The following TSBP1 variants were observed in gnomAD, a reference collection of about 807,000 sequenced individuals.
TSBP1 encodes testis-expressed basic protein 1.
A neutral mutation model predicts 68.8 loss-of-function variants in TSBP1; 56 were observed. The ratio of observed to expected loss-of-function variants is 0.81; its 90% CI spans 0.66 to 1.02. TSBP1 has a LOEUF of 1.02. TSBP1 is among the 50% of genes least tolerant of loss of function. The pLI, the probability that TSBP1 is intolerant of heterozygous loss-of-function variation, is 0.00. For synonymous variants in TSBP1, 171 were observed against 208.7 expected (o/e 0.82, Z 1.56); for missense variants, 502 against 641.2 (o/e 0.78, Z 2.34).
chr6:32,346,006 T>TAA (rs1242499192), intron 9 of TSBP1, among the ~76,000 whole-genome samples: 1,533 of 46,936 alleles, frequency 0.033, 319 homozygotes, highest in Middle Eastern at 0.11. Context: ...TATCCTCATT[T>TAA]TTTTTTTTTT....
At chr6:32,301,026 G>A (rs990361960) in intron 20 of TSBP1, among the ~76,000 whole-genome samples, 3 of 146,194 alleles carry the variant, frequency 2.1e-5, no homozygotes, top group Non-Finnish European at 4.5e-5. Flanking sequence ...ACATTGATAC[G>A]AATTTTTTTT....
At chr6:32,328,133 G>A (rs372985895) in intron 16 of TSBP1, among the ~76,000 whole-genome samples, 7 of 151,914 alleles carry the variant, frequency 4.6e-5, no homozygotes, top group African/African-American at 1.2e-4. Context: ...ATAGAGGCGC[G>A]GTTTCATCAT....
At chr6:32,303,179 C>T (rs1033044683) in intron 19 of TSBP1, among the ~76,000 whole-genome samples, 2 of 152,276 alleles carry the variant, frequency 1.3e-5, no homozygotes. Flanking sequence ...AATATTCCCC[C>T]CTCAGATATT....
In TSBP1 at chr6:32,357,887, A is replaced by G. The variant is rs925497203; in HGVS notation, c.218-2218T>C. ...TTCAGGACACGTGTGCTATGATTAT[A>G]TAGGTTGGCTCACTGCACAAAGGGT... On this transcript the variant is annotated intron_variant, in intron 6 of 22. Transcript: ENST00000612031. The surrounding 1 kb of genome is among the most constrained non-coding windows in gnomAD (Gnocchi z 4.7). Among the ~76,000 whole-genome samples the G allele has an allele frequency of 6.6e-6, 1 of 152,174 alleles. No individual in the cohort carries two copies. Among genetic ancestry groups the G allele is most frequent in the African/African-American group, 2.4e-5 (1 of 41,438 alleles).
At position 32,366,456 on chromosome 6, in the gene TSBP1, C is replaced by G. The variant is rs1479432743; in HGVS notation, c.167-154G>C. On this transcript the variant is annotated intron_variant, in intron 4 of 22. Transcript: ENST00000612031. ...GAAAAAAACATATTAACTTTACCAA[C>G]AGTTCATGAAAAAATAAGTTTATCG... is the stretch of plus-strand genomic sequence containing the variant. 7 of 817,112 alleles carry G rather than the reference C, an allele frequency of 8.6e-6. No homozygotes were observed. The Admixed American group carries it at 1.4e-4, about 17-fold the overall frequency. 50.6% of individuals were successfully genotyped at this position (817,112 alleles called of 1,614,324 possible).
At chr6:32,349,750 T>C (rs760026512) in exon 9 of TSBP1, 3 of 1,598,148 alleles carry the variant, frequency 1.9e-6, no homozygotes, top group Admixed American at 3.3e-5. Context: ...CAATACTTGA[T>C]CGAGACAGTG....
At chr6:32,311,785 A>G (rs1234035385) in intron 19 of TSBP1, among the ~76,000 whole-genome samples, 2 of 152,198 alleles carry the variant, frequency 1.3e-5, no homozygotes, top group Admixed American at 1.3e-4. Flanking sequence ...GATTGGGGGT[A>G]TCTGTGAGAA....
rs1226806836 is a variant in TSBP1 at position 32,295,366 on chromosome 6, A to C, written c.638-1331T>G. Among the ~76,000 whole-genome samples the C allele has an allele frequency of 4.8e-5, 7 of 145,472 alleles. No individual in the cohort carries two copies. In the East Asian group the frequency reaches 8.1e-4, roughly 17 times the overall value. On this transcript the variant is annotated intron_variant, in intron 22 of 22. Transcript: ENST00000612031. ...CACACACACAAAAAAAAAAAAAAAA[A>C]AAAAGAAGACCTAGGTTTATTATTC...
chr6:32,321,515 G>A lies in TSBP1; in HGVS notation c.559+1602C>T, dbSNP rs9268233. Among the ~76,000 whole-genome samples, 2,965 of 152,210 alleles carry A rather than the reference G, an allele frequency of 0.019. 46 individuals carry two copies. The highest frequency in any genetic ancestry group is 0.036 in the African/African-American group (1,483 of 41,510). ...AATTATAGGGCCTATTCCCAAACAT[G>A]GGCATATGGATTTTGCAGCCTCATC... On this transcript the variant is annotated intron_variant, in intron 18 of 22. Transcript: ENST00000612031. The surrounding 1 kb of genome is among the most constrained non-coding windows in gnomAD (Gnocchi z 4.3).
intron 6 of TSBP1, 156 bp downstream of exon 6, chr6:32,366,011 A>G (rs1380290292): frequency 8.6e-7 from 1 of 1,163,120 alleles, no homozygotes; most frequent in Non-Finnish European, 1.3e-6. Context: ...TCATAGCGTG[A>G]TGGTGAACAT....
At chr6:32,312,720 C>A (rs1482489938) in intron 19 of TSBP1, among the ~76,000 whole-genome samples, 2 of 152,048 alleles carry the variant, frequency 1.3e-5, no homozygotes, top group Non-Finnish European at 1.5e-5. Context: ...TAGGAGTAAC[C>A]CTTGGTGTCT....
rs890630698 is a variant in TSBP1, at chr6:32,315,652, T to C, written c.580+120A>G. On this transcript the variant is annotated intron_variant, in intron 19 of 22. Transcript: ENST00000612031. The surrounding 1 kb of genome is among the most constrained non-coding windows in gnomAD (Gnocchi z 5.4). ...TCTTGCAGTCCTAATCTGGAGGACT[T>C]TGGGTAATGTAGAAGCAAATGAATA... 6.5e-6 allele frequency: 4 copies of C among 617,220 alleles called. No homozygotes were observed. Among genetic ancestry groups the C allele is most frequent in the Non-Finnish European group, 5.4e-6 (2 of 369,314 alleles). The allele number at this position is 617,220 out of a possible 1,614,324, so 38.2% of individuals were successfully genotyped here.
intron 2 of TSBP1, among the ~76,000 whole-genome samples, chr6:32,369,373 A>ATTTTTTTTTTTTTTTTTTTTTTTTTTTT (rs9281761): frequency 2.4e-5 from 3 of 127,024 alleles, no homozygotes; most frequent in African/African-American, 5.8e-5. Flanking sequence ...AAACTCTGTG[A>ATTTTTTTTTTTTTTTTTTTTTTTTTTTT]TTTTTTTTTT....
chr6:32,367,792 G>A, intron 4 of TSBP1, 133 bp downstream of exon 4: 1 of 604,854 alleles, frequency 1.7e-6, no homozygotes, highest in Non-Finnish European at 2.8e-6. Flanking sequence ...AGAGAGGAGT[G>A]ATAAGCATTT....
rs752678271 is a variant in TSBP1, at chr6:32,333,775, GT to G, written c.472+1661del. 1.3e-5 allele frequency among the ~76,000 whole-genome samples: 2 copies of G among 152,196 alleles called. No individual in the cohort carries two copies. Among genetic ancestry groups the G allele is most frequent in the Non-Finnish European group, 2.9e-5 (2 of 68,042 alleles). ...TCTAAAAAGACCATATCTTCACCCA[GT>G]GGGCATTGCAGTTAATAATCCTTCA... On this transcript the variant is annotated intron_variant, in intron 14 of 22. Coordinates refer to ENST00000612031, the Ensembl canonical transcript of TSBP1. The surrounding 1 kb of genome is among the most constrained non-coding windows in gnomAD (Gnocchi z 4.2).
intron 9 of TSBP1, among the ~76,000 whole-genome samples, chr6:32,347,165 AT>A (rs9279590): frequency 0.019 from 2,732 of 144,400 alleles, 51 homozygotes; most frequent in Middle Eastern, 0.048. Flanking sequence ...GCCCTCTTAG[AT>A]TTTTTTTTTT....
rs774026068 is a variant in TSBP1, at chr6:32,367,909, T to C, written c.166+16A>G. ...TATTCCTTCATTAACTGTCTAGTAG[T>C]TCCTAATCTATTTACCTCTACCATC... On this transcript the variant is annotated intron_variant, in intron 4 of 22. Coordinates refer to ENST00000612031, the Ensembl canonical transcript of TSBP1. 7 of 1,590,386 alleles carry C rather than the reference T, an allele frequency of 4.4e-6. No individual in the cohort carries two copies. Among genetic ancestry groups the C allele is most frequent in the Non-Finnish European group, 6.0e-6 (7 of 1,159,922 alleles).
rs1225964822 is a variant in TSBP1, at chr6:32,335,970, G to A, written c.431-38C>T. 1 of 1,577,732 alleles carries A rather than the reference G, an allele frequency of 6.3e-7. No individual in the cohort carries two copies. Among genetic ancestry groups the A allele is most frequent in the East Asian group, 2.2e-5 (1 of 44,734 alleles). ...AAGAGGGAGAAAGAAAAAGATATCA[G>A]TATGCTTCACCACTGTGAAGGAAAT... On this transcript the variant is annotated intron_variant, in intron 12 of 22. Coordinates refer to ENST00000612031, the Ensembl canonical transcript of TSBP1. The surrounding 1 kb of genome is among the most constrained non-coding windows in gnomAD (Gnocchi z 5.5).
chr6:32,351,716 T>C (rs1771739667), intron 8 of TSBP1, among the ~76,000 whole-genome samples: 1 of 152,130 alleles, frequency 6.6e-6, no homozygotes, highest in Non-Finnish European at 1.5e-5. Context: ...TGAGATTAAC[T>C]TCATTTATCC....
Sources: allele counts gnomAD v4.1 joint callset (sites outside exome capture counted in the v4.1 genomes callset), GRCh38; gene constraint gnomAD v4.1.1; non-coding constraint Gnocchi (gnomAD v3.1); transcripts MANE v1.5; gene names NCBI Gene and HGNC (gene_info 2026-07-23, HGNC 2026-07-21).